The following SREBF2 variants were observed in gnomAD, a reference collection of about 807,000 sequenced individuals.
SREBF2 encodes the protein sterol regulatory element-binding protein 2.
A neutral mutation model predicts 113.1 loss-of-function variants in SREBF2; 55 were observed. The ratio of observed to expected loss-of-function variants is 0.49; its 90% confidence interval spans 0.39 to 0.61. The LOEUF is 0.61. SREBF2 is among the 20% of genes least tolerant of loss of function. The pLI, the probability that SREBF2 is intolerant of heterozygous loss-of-function variation, is 0.00. For synonymous variants in SREBF2, 593 were observed against 605.7 expected (o/e 0.98, Z 0.31); for missense variants, 1,349 against 1,487.4 (o/e 0.91, Z 1.53).
intron 1 of SREBF2, among the ~76,000 whole-genome samples, chr22:41,859,924 A>G (rs766420055): frequency 6.9e-6 from 1 of 144,794 alleles, no homozygotes; most frequent in Non-Finnish European, 1.5e-5. Context: ...TCCTGCCTCA[A>G]CCGCCCAAGT....
At chr22:41,897,276 C>T (rs1431506524) in intron 14 of SREBF2, 115 bp downstream of exon 14, 13 of 641,084 alleles carry the variant, frequency 2.0e-5, no homozygotes, top group Non-Finnish European at 3.0e-5. Context: ...TTCTCTGGAT[C>T]CCAGGTTCAT....
At position 41,873,903 on chromosome 22, in the gene SREBF2, C is replaced by G; in HGVS notation, c.973C>G (p.Pro325Ala). The part of the protein sequence containing the change: ...QVPGGVKQLE[P>A]PKEGERRTTH... ...ACCTGGGGGAGTCAAGCAGCTTGAG[C>G]CCCCCAAAGAAGGAGAAAGGCGGAC... Residue 325 changes from proline to alanine, a missense_variant, in exon 5 of 19, where the codon CCC (proline) becomes GCC (alanine). By Grantham distance (27) the Pro-to-Ala change is conservative. Transcript: ENST00000361204. The G allele has an allele frequency of 1.2e-6, 2 of 1,613,974 alleles. No homozygotes were observed. Among genetic ancestry groups the G allele is most frequent in the African/African-American group, 2.7e-5 (2 of 75,000 alleles).
chr22:41,904,682 C>T, intron 17 of SREBF2, 181 bp from the exon 18 acceptor site: 1 of 715,394 alleles, frequency 1.4e-6, no homozygotes, highest in South Asian at 1.5e-5. Context: ...AGCCAGGTTT[C>T]CTGCCTGGCT....
At chr22:41,837,310 C>T (rs1602260137) in intron 1 of SREBF2, among the ~76,000 whole-genome samples, 3 of 152,108 alleles carry the variant, frequency 2.0e-5, no homozygotes, top group South Asian at 2.1e-4. Flanking sequence ...GTAATCCCAG[C>T]ACTTTGGGAG....
At chr22:41,894,544 TAG>T (rs2077394179) in intron 12 of SREBF2, among the ~76,000 whole-genome samples, 2 of 152,066 alleles carry the variant, frequency 1.3e-5, no homozygotes, top group Non-Finnish European at 2.9e-5. Flanking sequence ...CTCCCAACCT[TAG>T]AGTACTGAGC....
chr22:41,847,399 G>A (rs2076886495), intron 1 of SREBF2, among the ~76,000 whole-genome samples: 1 of 152,210 alleles, frequency 6.6e-6, no homozygotes, highest in Admixed American at 6.5e-5. Context: ...AAAAGAGAGT[G>A]AAAGAGGGAA....
intron 12 of SREBF2, among the ~76,000 whole-genome samples, chr22:41,894,326 C>T (rs975064931): frequency 7.2e-5 from 11 of 152,132 alleles, no homozygotes; most frequent in African/African-American, 9.7e-5. Flanking sequence ...TGCAAGGCCC[C>T]GTGTCTAGCC....
intron 11 of SREBF2, among the ~76,000 whole-genome samples, chr22:41,888,349 C>T (rs1602333894): frequency 6.6e-6 from 1 of 152,150 alleles, no homozygotes; most frequent in Non-Finnish European, 1.5e-5. Flanking sequence ...TGTTTTTCTC[C>T]ATAAGGATAT....
intron 1 of SREBF2, among the ~76,000 whole-genome samples, chr22:41,860,809 A>T (rs556414218): frequency 6.6e-6 from 1 of 152,238 alleles, no homozygotes; most frequent in East Asian, 1.9e-4. Flanking sequence ...TTGCTTAAGC[A>T]CAGGAGGTAG....
rs1322751006 is a variant in SREBF2 at position 41,833,583 on chromosome 22, C to T, written c.88+225C>T. The T allele has an allele frequency of 4.7e-6, 2 of 425,672 alleles. No individual in the cohort carries two copies. Among genetic ancestry groups the T allele is most frequent in the East Asian group, 7.7e-5 (2 of 25,850 alleles). The allele number at this position is 425,672 out of a possible 1,614,324, so 26.4% of individuals were successfully genotyped here. A position where few individuals can be genotyped will look rare whatever the true frequency, so the allele number is the denominator to read the frequency against. ...CCGTGGGATCTGGGGCGCCGCGGGGCCGAAAGCGGCGCGAGGGTCGCGGGT... is the reference window on the plus strand; with the variant it reads ...CCGTGGGATCTGGGGCGCCGCGGGGTCGAAAGCGGCGCGAGGGTCGCGGGT... On this transcript the variant is annotated intron_variant, in intron 1 of 18. Coordinates refer to ENST00000361204, the MANE Select transcript of SREBF2 (RefSeq NM_004599.4). This position sits in a 1 kb window ranked among gnomAD's most constrained non-coding sequence, Gnocchi z 4.1.
chr22:41,884,981 C>T lies in SREBF2; in HGVS notation c.2178C>T (p.Thr726=). 2 of 1,614,136 alleles carry T rather than the reference C, an allele frequency of 1.2e-6. No homozygotes were observed. Among genetic ancestry groups the T allele is most frequent in the Non-Finnish European group, 1.7e-6 (2 of 1,180,030 alleles). Residue 726 remains threonine (T), a synonymous_variant, in exon 11 of 19, where the codon ACC becomes ACT. Transcript: ENST00000361204. ...TGACTGCTGCCATGGGGCTCAAGAC[C>T]CGGTGTGGAGGCAAGCTGGGCTTCC... ...IHLTAAMGLK[T]RCGGKLGFLA... is the part of the protein sequence containing the mutation.
chr22:41,871,480 T>C (rs755891824), intron 4 of SREBF2, among the ~76,000 whole-genome samples: 1 of 152,206 alleles, frequency 6.6e-6, no homozygotes, highest in African/African-American at 2.4e-5. Context: ...GATTAAAATT[T>C]AGAAGCACTA....
rs2148382977 is a variant in SREBF2 at position 41,870,916 on chromosome 22, A to G, written c.748A>G (p.Thr250Ala). 3 of 1,614,110 alleles carry G rather than the reference A, an allele frequency of 1.9e-6. No homozygotes were observed. Among genetic ancestry groups the G allele is most frequent in the African/African-American group, 1.3e-5 (1 of 75,008 alleles). ...CCTGGTCCAGCCTCAGATCATCAAG[A>G]CAGATTCCCTTGTTTTGACCACACT... is the stretch of plus-strand genomic sequence containing the variant. Reference protein sequence around the residue: ...PVLVQPQIIKTDSLVLTTLKT... With the variant: ...PVLVQPQIIKADSLVLTTLKT... Residue 250 changes from threonine (T) to alanine (A), a missense_variant, in exon 4 of 19, where the codon ACA becomes GCA. By Grantham distance (58) the Thr-to-Ala change is moderately conservative (BLOSUM62 0). Coordinates refer to ENST00000361204, the MANE Select transcript of SREBF2 (RefSeq NM_004599.4).
chr22:41,861,974 A>G (rs1347824615), intron 1 of SREBF2, among the ~76,000 whole-genome samples: 1 of 152,218 alleles, frequency 6.6e-6, no homozygotes, highest in East Asian at 1.9e-4. Flanking sequence ...TAATAAATAC[A>G]AAATATAAGA....
At chr22:41,892,520 C>T (rs1027874222) in intron 11 of SREBF2, among the ~76,000 whole-genome samples, 4 of 151,722 alleles carry the variant, frequency 2.6e-5, no homozygotes, top group Admixed American at 1.3e-4. Context: ...TGGTGGCGCG[C>T]GCCTGTAGTC....
At chr22:41,898,626 C>T (rs1187666868) in intron 14 of SREBF2, 23 bp from the exon 15 acceptor site, 7 of 1,613,310 alleles carry the variant, frequency 4.3e-6, no homozygotes, top group African/African-American at 1.3e-5. Flanking sequence ...TGCTGGAGTG[C>T]GTTTGGTGCT....
chr22:41,852,830 A>G (rs1291249462), intron 1 of SREBF2, among the ~76,000 whole-genome samples: 1 of 136,620 alleles, frequency 7.3e-6, no homozygotes, highest in Non-Finnish European at 1.5e-5. Context: ...GTCTCAGCTC[A>G]CTGCACCCTC....
chr22:41,848,331 C>T (rs189465228), intron 1 of SREBF2, among the ~76,000 whole-genome samples: 47 of 152,192 alleles, frequency 3.1e-4, no homozygotes, highest in Non-Finnish European at 4.6e-4. Flanking sequence ...TCATGATCCG[C>T]CCACCGTGGC....
At chr22:41,861,614 A>G (rs2077027926) in intron 1 of SREBF2, among the ~76,000 whole-genome samples, 2 of 151,786 alleles carry the variant, frequency 1.3e-5, no homozygotes, top group African/African-American at 2.4e-5. Flanking sequence ...TATTACTTTT[A>G]TGATTTTAAC....
Sources: allele counts gnomAD v4.1 joint callset (sites outside exome capture counted in the v4.1 genomes callset), GRCh38; gene constraint gnomAD v4.1.1; non-coding constraint Gnocchi (gnomAD v3.1); transcripts MANE v1.5; gene names NCBI Gene and HGNC (gene_info 2026-07-23, HGNC 2026-07-21).